The following AFDN variants were observed in gnomAD, a reference collection of about 807,000 sequenced individuals.
AFDN encodes the protein afadin, adherens junction formation factor, also known as afadin.
In AFDN, 68 loss-of-function variants were observed where a neutral mutation model predicts 216.6. The observed-to-expected ratio is 0.31, with a 90% confidence interval of 0.26 to 0.38. AFDN has a LOEUF of 0.38. Among genes scored for constraint, AFDN ranks in the 10% least tolerant of loss-of-function variants. The pLI is 1.00. For synonymous variants in AFDN, 868 were observed against 853.7 expected (o/e 1.02, Z -0.29); for missense variants, 2,136 against 2,342.0 (o/e 0.91, Z 1.82).
chr6:167,858,904 A>G (rs1783204225), intron 1 of AFDN, among the ~76,000 whole-genome samples: 1 of 152,104 alleles, frequency 6.6e-6, no homozygotes, highest in African/African-American at 2.4e-5. Context: ...TGTGGTCGGG[A>G]AGGTCAGAAA....
chr6:167,904,790 A>G (rs1431558542), intron 12 of AFDN, among the ~76,000 whole-genome samples: 1 of 152,166 alleles, frequency 6.6e-6, no homozygotes, highest in Non-Finnish European at 1.5e-5. Flanking sequence ...CAGGAGGACC[A>G]CACGGCCCCA....
intron 5 of AFDN, among the ~76,000 whole-genome samples, chr6:167,876,696 A>G (rs1264090147): frequency 6.6e-6 from 1 of 152,234 alleles, no homozygotes; most frequent in Non-Finnish European, 1.5e-5. Flanking sequence ...TAGAGTATCA[A>G]TTTTTATATC....
intron 30 of AFDN, among the ~76,000 whole-genome samples, chr6:167,957,602 T>C (rs961652169): frequency 2.6e-5 from 4 of 152,206 alleles, no homozygotes; most frequent in African/African-American, 9.6e-5. Flanking sequence ...ATTGTGTCGT[T>C]AGGGCTTTTC....
chr6:167,840,290 A>G (rs1780919705), intron 1 of AFDN, among the ~76,000 whole-genome samples: 1 of 152,208 alleles, frequency 6.6e-6, no homozygotes, highest in Non-Finnish European at 1.5e-5. Flanking sequence ...ATGCAGGCCC[A>G]TTTTGTGGCT....
In AFDN at chr6:167,896,887, A is replaced by G; in HGVS notation, c.1232A>G (p.Asp411Gly). The change falls in exon 10 of 34, where the codon GAC becomes GGC. Residue 411 changes from aspartate (D) to glycine (G), a missense_variant. Asp to Gly is a moderately conservative substitution (Grantham distance 94, BLOSUM62 -1). Around this residue, in one of 8 missense-constraint regions of AFDN, gnomAD observed 817 missense variants for 965.7 expected, o/e 0.85. Coordinates refer to ENST00000683244, the MANE Select transcript of AFDN (RefSeq NM_001386888.1). ...YNYHTYEDGS[D>G]SRDKPKLYRL... Reference sequence around the variant, plus strand: ...CCTTCTCTTCTCACAGATGGTTCTGACTCTAGAGATAAGCCAAAGCTTTAC... The same window carrying G: ...CCTTCTCTTCTCACAGATGGTTCTGGCTCTAGAGATAAGCCAAAGCTTTAC... 2 of 1,610,430 alleles carry G rather than the reference A, an allele frequency of 1.2e-6. No homozygotes were observed. The highest frequency in any genetic ancestry group is 2.7e-5 in the African/African-American group (2 of 74,934).
rs1783975812 is a variant in AFDN, at chr6:167,864,695, C to T, written c.250C>T (p.Arg84Ter). The T allele has an allele frequency of 6.2e-7, 1 of 1,614,138 alleles. No homozygotes were observed. Among genetic ancestry groups the T allele is most frequent in the Non-Finnish European group, 8.5e-7 (1 of 1,180,014 alleles). Reference protein sequence around the residue: ...TLAEKFRPDMRMLSSPKYSLY... With the variant: ...TLAEKFRPDM ...CGCGGAGAAATTTCGACCTGATATG[C>T]GAATGCTGTCCTCTCCCAAGTATTC... Residue 84 changes from arginine to a stop codon, truncating the protein, a stop_gained, in exon 2 of 34, where the codon CGA (arginine) becomes TGA (stop). Transcript: ENST00000683244. LOFTEE classifies it high-confidence loss of function.
chr6:167,851,879 T>A (rs976136645), intron 1 of AFDN, among the ~76,000 whole-genome samples: 22 of 151,938 alleles, frequency 1.4e-4, no homozygotes, highest in Admixed American at 4.6e-4. Flanking sequence ...AGCGCATTTT[T>A]AAAAAAAACA....
rs989730438 is a variant in AFDN, at chr6:167,915,496, T to C, written c.2565+63T>C. The C allele has an allele frequency of 3.3e-6, 5 of 1,526,270 alleles. No individual in the cohort carries two copies. In the Admixed American group the frequency reaches 6.2e-5, roughly 19 times the overall value. 94.5% of individuals were successfully genotyped at this position (1,526,270 alleles called of 1,614,324 possible). ...TGATAAAGGCATCTGATCTTTATGA[T>C]GAGCAAGAGCTTCAATGCAGCAAAA... is the stretch of plus-strand genomic sequence containing the variant. On this transcript the variant is annotated intron_variant, in intron 19 of 33. Transcript: ENST00000683244.
At chr6:167,949,594 C>T (rs1037458340) in intron 29 of AFDN, among the ~76,000 whole-genome samples, 1 of 152,166 alleles carries the variant, frequency 6.6e-6, no homozygotes, top group Non-Finnish European at 1.5e-5. Context: ...GTTTTGGATG[C>T]ACTCTGTCAC....
chr6:167,848,381 T>G (rs1397711495), intron 1 of AFDN, among the ~76,000 whole-genome samples: 4 of 152,222 alleles, frequency 2.6e-5, no homozygotes, highest in African/African-American at 9.6e-5. Flanking sequence ...TCTTTCTCCC[T>G]TTCTGCCTCC....
intron 25 of AFDN, 121 bp downstream of exon 25, chr6:167,943,596 T>C: frequency 1.3e-6 from 1 of 761,186 alleles, no homozygotes; most frequent in South Asian, 1.6e-5. Flanking sequence ...CTTTACCTTT[T>C]ATAGTGTACG....
chr6:167,887,934 T>C (rs1787071877), intron 6 of AFDN, among the ~76,000 whole-genome samples: 2 of 152,214 alleles, frequency 1.3e-5, no homozygotes, highest in Non-Finnish European at 2.9e-5. Context: ...ACAGGGAGCT[T>C]TTCTATTAGA....
chr6:167,917,168 C>A lies in AFDN; in HGVS notation c.2645C>A (p.Ser882Ter). ...NINSTCFKLN[S>*]LQLQALLQNY... The stretch of plus-strand genomic sequence containing the variant: ...AACAGCACCTGCTTTAAGTTAAATT[C>A]ATTACAACTTCAAGCCTTATTACAG... The change falls in exon 20 of 34, where the codon TCA (serine) becomes TAA (stop). Residue 882 changes from serine (S) to a stop codon, truncating the protein, a stop_gained. Transcript: ENST00000683244. LOFTEE classifies it high-confidence loss of function. 1 of 1,612,110 alleles carries A rather than the reference C, an allele frequency of 6.2e-7. No homozygotes were observed. Among genetic ancestry groups the A allele is most frequent in the Non-Finnish European group, 8.5e-7 (1 of 1,179,448 alleles).
intron 1 of AFDN, among the ~76,000 whole-genome samples, chr6:167,846,576 C>T (rs1214408456): frequency 6.6e-6 from 1 of 151,530 alleles, no homozygotes; most frequent in Non-Finnish European, 1.5e-5. Context: ...TTACTTAAAA[C>T]TTCTCATTAA....
intron 31 of AFDN, chr6:167,963,898 T>A (rs1797277784): frequency 9.4e-7 from 1 of 1,064,478 alleles, no homozygotes; most frequent in African/African-American, 1.6e-5. Flanking sequence ...GCTCCCTGGC[T>A]GCTTGGAGGG....
chr6:167,907,027 C>T, intron 12 of AFDN, 144 bp from the exon 13 acceptor site: 1 of 630,038 alleles, frequency 1.6e-6, no homozygotes, highest in Non-Finnish European at 2.8e-6. Flanking sequence ...ATAGTGTCCC[C>T]AGCATTGCTT....
At chr6:167,889,964 A>G (rs1227313559) in intron 7 of AFDN, among the ~76,000 whole-genome samples, 1 of 152,252 alleles carries the variant, frequency 6.6e-6, no homozygotes, top group African/African-American at 2.4e-5. Flanking sequence ...TGATTTAGTC[A>G]TTTCAAATAA....
At chr6:167,898,043 T>A (rs1788497781) in intron 10 of AFDN, among the ~76,000 whole-genome samples, 162 bp from the exon 11 acceptor site, 1 of 152,180 alleles carries the variant, frequency 6.6e-6, no homozygotes, top group Non-Finnish European at 1.5e-5. Context: ...ACAGTTTAAT[T>A]ATTTTTATAC....
chr6:167,859,757 A>G (rs558188308), intron 1 of AFDN, among the ~76,000 whole-genome samples: 8 of 148,984 alleles, frequency 5.4e-5, no homozygotes, highest in Middle Eastern at 3.5e-3. Flanking sequence ...TAATTTCACA[A>G]TGTAGCTTGG....
Sources: gnomAD v4.1 joint callset for allele counts (sites outside exome capture counted in the v4.1 genomes callset) on GRCh38, gnomAD v4.1.1 for gene constraint, gnomAD v4.1.1 regional missense constraint, MANE v1.5 for transcripts, NCBI Gene and HGNC (gene_info 2026-07-23, HGNC 2026-07-21) for gene names.